SRRM2: variants seen among roughly 807,000 people sequenced by gnomAD.
The protein encoded by SRRM2 is serine/arginine repetitive matrix protein 2.
A neutral mutation model predicts 213.8 loss-of-function variants in SRRM2; 30 were observed. That is an observed-to-expected ratio of 0.14 (90% CI 0.10 to 0.19). The LOEUF (loss-of-function observed/expected upper bound fraction) is 0.19, where lower values mean the gene tolerates loss of function less well. Among genes scored for constraint, SRRM2 ranks in the 10% least tolerant of loss-of-function variants. The pLI is 1.00. For synonymous variants in SRRM2, 2,025 were observed against 1,377.7 expected, an observed-to-expected ratio of 1.47 and a Z score of -10.40; for missense variants, 4,904 against 3,647.0, an observed-to-expected ratio of 1.34 and a Z score of -8.88.
intron 4 of SRRM2, among the ~76,000 whole-genome samples, chr16:2,758,251 C>G (rs745891933): frequency 7.9e-5 from 12 of 152,170 alleles, no homozygotes; most frequent in Admixed American, 7.9e-4. Flanking sequence ...GCCTGTAGTC[C>G]AGGCTGCTTG....
At position 2,765,201 on chromosome 16, in the gene SRRM2, A is replaced by C. The variant is rs764033746; in HGVS notation, c.4673A>C (p.Glu1558Ala). ...AGTGCATCCCCTCAGGAAAGAAGTG[A>C]GTCAGACTCTTCTCCAGATTCTAAA... The part of the protein sequence containing the change: ...KPSASPQERS[E>A]SDSSPDSKAK... The change falls in exon 11 of 15, where the codon GAG (glutamate) becomes GCG (alanine). Residue 1558 changes from glutamate (E) to alanine (A), a missense_variant. Coordinates refer to ENST00000301740, the MANE Select transcript of SRRM2 (RefSeq NM_016333.4). 3.7e-6 allele frequency: 6 copies of C among 1,614,174 alleles called. No individual in the cohort carries two copies. In the Admixed American group the frequency reaches 8.3e-5, roughly 22 times the overall value.
At chr16:2,769,734 G>A (rs536489185) in intron 12 of SRRM2, 142 of 470,644 alleles carry the variant, frequency 3.0e-4, no homozygotes, top group African/African-American at 2.4e-3. Flanking sequence ...CAAATCCTTC[G>A]GGACGCCCTG....
Position 2,769,195 on chromosome 16 carries a change from G to C in SRRM2, c.7932G>C (p.Ser2644=), listed in dbSNP as rs150110237. The stretch of plus-strand genomic sequence containing the variant: ...CTTCCTCCTCATCTTCCTCCTCCTC[G>C]TCGTCTTCCTCCCCTTCCCCTGCTA... ...SSSSSSSSSS[S]SSSSPSPAKP... is the part of the protein sequence containing the mutation. Residue 2644 remains serine, a synonymous_variant, in exon 12 of 15, where the codon TCG becomes TCC. Coordinates refer to ENST00000301740, the MANE Select transcript of SRRM2 (RefSeq NM_016333.4). 1,348 of 1,606,672 alleles carry C rather than the reference G, an allele frequency of 8.4e-4. 5 individuals are homozygous for C. Among genetic ancestry groups the C allele is most frequent in the African/African-American group, 6.2e-3 (460 of 74,382 alleles).
chr16:2,768,811 T>C, intron 11 of SRRM2, 186 bp from the exon 12 acceptor site: 1 of 1,193,934 alleles, frequency 8.4e-7, no homozygotes, highest in Non-Finnish European at 1.2e-6. Context: ...GCCTGTTGCT[T>C]CTGTTAGCAG....
intron 4 of SRRM2, 71 bp downstream of exon 4, chr16:2,758,016 T>C: frequency 3.3e-6 from 5 of 1,525,550 alleles, no homozygotes; most frequent in Non-Finnish European, 4.4e-6. Flanking sequence ...TTTTTGTCTT[T>C]TTGCGGGCTG....
rs1489573544 is a variant in SRRM2 at position 2,765,053 on chromosome 16, T to G, written c.4525T>G (p.Cys1509Gly). Reference protein sequence around the residue: ...SPSSPELNNKCLTPQRERSGS... With the variant: ...SPSSPELNNKGLTPQRERSGS... Reference sequence around the variant, plus strand: ...ATCATCCCCAGAGCTCAACAACAAGTGTCTTACCCCCCAGAGAGAAAGAAG... The same window carrying G: ...ATCATCCCCAGAGCTCAACAACAAGGGTCTTACCCCCCAGAGAGAAAGAAG... Residue 1509 changes from cysteine (C) to glycine (G), a missense_variant, in exon 11 of 15, where the codon TGT (cysteine) becomes GGT (glycine). Cys to Gly is a radical substitution (Grantham distance 159). Transcript: ENST00000301740. 1 of 1,613,848 alleles carries G rather than the reference T, an allele frequency of 6.2e-7. No individual in the cohort carries two copies. The highest frequency in any genetic ancestry group is 1.3e-5 in the African/African-American group (1 of 74,880).
At position 2,757,814 on chromosome 16, in the gene SRRM2, TGAG is replaced by T. The variant is rs1381853936; in HGVS notation, c.385_387del (p.Glu129del). ...AGACTCACCAGTTGGCAGAATTAAA[TGAG>T]AAGAAGAATGAAAGACTCCGTGCTG... On this transcript the variant is annotated inframe_deletion, in exon 4 of 15. Coordinates refer to ENST00000301740, the MANE Select transcript of SRRM2 (RefSeq NM_016333.4). The T allele has an allele frequency of 3.1e-6, 5 of 1,614,012 alleles. No homozygotes were observed. Among genetic ancestry groups the T allele is most frequent in the Non-Finnish European group, 4.2e-6 (5 of 1,180,016 alleles).
Position 2,766,933 on chromosome 16 carries a change from G to T in SRRM2, c.6405G>T (p.Met2135Ile). The change falls in exon 11 of 15, where the codon ATG becomes ATT. Residue 2135 changes from methionine to isoleucine, a missense_variant. Met to Ile is a conservative substitution (Grantham distance 10, BLOSUM62 1). Transcript: ENST00000301740. The surrounding 1 kb of genome is among the most constrained non-coding windows in gnomAD (Gnocchi z 7.0). ...TPLDRCRSPG[M>I]LEPLGSSRTP... Reference sequence around the variant, plus strand: ...TTGATCGCTGCAGATCACCTGGAATGCTTGAACCCCTTGGCAGCTCTAGAA... The same window carrying T: ...TTGATCGCTGCAGATCACCTGGAATTCTTGAACCCCTTGGCAGCTCTAGAA... 1 of 1,614,062 alleles carries T rather than the reference G, an allele frequency of 6.2e-7. No homozygotes were observed. Among genetic ancestry groups the T allele is most frequent in the Non-Finnish European group, 8.5e-7 (1 of 1,180,018 alleles).
In SRRM2 at chr16:2,764,444, G is replaced by A. The variant is rs1336139035; in HGVS notation, c.3916G>A (p.Gly1306Ser). 14 of 1,612,926 alleles carry A rather than the reference G, an allele frequency of 8.7e-6. No homozygotes were observed. Among genetic ancestry groups the A allele is most frequent in the Non-Finnish European group, 1.0e-5 (12 of 1,179,748 alleles). The change falls in exon 11 of 15, where the codon GGT becomes AGT. Residue 1306 changes from glycine (G) to serine (S), a missense_variant. By Grantham distance (56) the Gly-to-Ser change is moderately conservative. Transcript: ENST00000301740. Reference sequence around the variant, plus strand: ...AGTCCCTTCAATGGCCTCATCTTGGGGTGGGCCACATTTTTCTCCAGAACA... The same window carrying A: ...AGTCCCTTCAATGGCCTCATCTTGGAGTGGGCCACATTTTTCTCCAGAACA... The part of the protein sequence containing the change: ...VEVPSMASSW[G>S]GPHFSPEHKE...
At chr16:2,754,238 A>G (rs2068059022) in intron 1 of SRRM2, among the ~76,000 whole-genome samples, 1 of 151,390 alleles carries the variant, frequency 6.6e-6, no homozygotes, top group Non-Finnish European at 1.5e-5. Context: ...CTCATTCCCT[A>G]AAAGTTCTCC....
Position 2,764,594 on chromosome 16 carries a change from A to C in SRRM2, c.4066A>C (p.Asn1356His), listed in dbSNP as rs778486044. ...TTCTTCTGAGGTTAAAGAAGATTTG[A>C]ATGGACCGTTTCTTAATCAGCTGGA... ...GFSSEVKEDL[N>H]GPFLNQLETD... Residue 1356 changes from asparagine to histidine, a missense_variant, in exon 11 of 15, where the codon AAT becomes CAT. Asn to His is a moderately conservative substitution (Grantham distance 68, BLOSUM62 1). Transcript: ENST00000301740. The C allele has an allele frequency of 9.9e-6, 16 of 1,614,092 alleles. No homozygotes were observed. The highest frequency in any genetic ancestry group is 1.4e-5 in the Non-Finnish European group (16 of 1,180,040).
intron 1 of SRRM2, among the ~76,000 whole-genome samples, chr16:2,754,499 C>G (rs950292224): frequency 6.6e-6 from 1 of 152,148 alleles, no homozygotes; most frequent in Non-Finnish European, 1.5e-5. Context: ...ACCGTGTTGG[C>G]CAGGCTGGTG....
chr16:2,767,290 G>A lies in SRRM2; in HGVS notation c.6762G>A (p.Val2254=), dbSNP rs377029306. The A allele has an allele frequency of 6.8e-6, 11 of 1,613,928 alleles. No homozygotes were observed. In the African/African-American group the frequency reaches 1.5e-4, roughly 22 times the overall value. ...GGACACCTGCCATTCCAACAGCAGT[G>A]AACCTGGCTGACTCTCGAACGCCAG... is the stretch of plus-strand genomic sequence containing the variant. The part of the protein sequence containing the change: ...SARTPAIPTA[V]NLADSRTPAA... Residue 2254 remains valine (V), a synonymous_variant, in exon 11 of 15, where the codon GTG becomes GTA. Transcript: ENST00000301740.
intron 1 of SRRM2, among the ~76,000 whole-genome samples, chr16:2,754,661 C>T (rs779195635): frequency 5.3e-5 from 8 of 152,052 alleles, no homozygotes; most frequent in Non-Finnish European, 1.2e-4. Context: ...AATGGTTAAG[C>T]TGAAGAATTA....
intron 12 of SRRM2, 112 bp from the exon 13 acceptor site, chr16:2,770,240 C>A: frequency 6.8e-7 from 1 of 1,461,404 alleles, no homozygotes; most frequent in South Asian, 1.4e-5. Flanking sequence ...GGGTCTGAGG[C>A]TGGCCCTGTG....
At position 2,767,103 on chromosome 16, in the gene SRRM2, C is replaced by T. The variant is rs778765198; in HGVS notation, c.6575C>T (p.Thr2192Ile). Residue 2192 changes from threonine to isoleucine, a missense_variant, in exon 11 of 15, where the codon ACC becomes ATC. Coordinates refer to ENST00000301740, the MANE Select transcript of SRRM2 (RefSeq NM_016333.4). Reference protein sequence around the residue: ...ALALTAISLGTARPPPSMSAA... With the variant: ...ALALTAISLGIARPPPSMSAA... ...GCCCTGACAGCTATCAGTCTTGGCA[C>T]CGCTCGGCCTCCTCCGTCCATGTCT... The T allele has an allele frequency of 6.2e-7, 1 of 1,614,114 alleles. No homozygotes were observed. The highest frequency in any genetic ancestry group is 1.7e-5 in the Admixed American group (1 of 60,008).
At chr16:2,761,337 G>C (rs2068339369) in intron 10 of SRRM2, among the ~76,000 whole-genome samples, 1 of 152,118 alleles carries the variant, frequency 6.6e-6, no homozygotes, top group African/African-American at 2.4e-5. Flanking sequence ...TTAGTTATTT[G>C]CATTTTGTGT....
chr16:2,762,252 C>T lies in SRRM2; in HGVS notation c.1724C>T (p.Ser575Phe). ...CCAGCCACTAGGGGTAGATCTCGTTCTAGAACACCAGCCCGCCGGGGCAGG... is the reference window on the plus strand; with the variant it reads ...CCAGCCACTAGGGGTAGATCTCGTTTTAGAACACCAGCCCGCCGGGGCAGG... ...RSPATRGRSR[S>F]RTPARRGRSR... The change falls in exon 11 of 15, where the codon TCT becomes TTT. Residue 575 changes from serine (S) to phenylalanine (F), a missense_variant. Coordinates refer to ENST00000301740, the MANE Select transcript of SRRM2 (RefSeq NM_016333.4). The T allele has an allele frequency of 6.3e-7, 1 of 1,596,762 alleles. No individual in the cohort carries two copies. The highest frequency in any genetic ancestry group is 8.5e-7 in the Non-Finnish European group (1 of 1,173,152).
In SRRM2 at chr16:2,759,019, A is replaced by C; in HGVS notation, c.628A>C (p.Lys210Gln). ...GAGCAGCTCTCCTCGACGGGAGAGAAAGAAAAGCTCAAAGAAGAAGAAGCA... is the reference window on the plus strand; with the variant it reads ...GAGCAGCTCTCCTCGACGGGAGAGACAGAAAAGCTCAAAGAAGAAGAAGCA... ...SESSSPRRER[K>Q]KSSKKKKHRS... Residue 210 changes from lysine to glutamine, a missense_variant, in exon 6 of 15, where the codon AAG (lysine) becomes CAG (glutamine). Lys to Gln is a moderately conservative substitution (Grantham distance 53). Coordinates refer to ENST00000301740, the MANE Select transcript of SRRM2 (RefSeq NM_016333.4). 3 of 1,614,226 alleles carry C rather than the reference A, an allele frequency of 1.9e-6. No homozygotes were observed. The highest frequency in any genetic ancestry group is 2.5e-6 in the Non-Finnish European group (3 of 1,180,046).
Sources: allele counts gnomAD v4.1 joint callset (sites outside exome capture counted in the v4.1 genomes callset), GRCh38; gene constraint gnomAD v4.1.1; non-coding constraint Gnocchi (gnomAD v3.1); transcripts MANE v1.5; gene names NCBI Gene and HGNC (gene_info 2026-07-23, HGNC 2026-07-21).